Variants in KCNT2 observed in about 807,000 individuals in gnomAD.
KCNT2 encodes the protein potassium channel subfamily T member 2.
In KCNT2, 67 loss-of-function variants were observed where a neutral mutation model predicts 153.8. The observed-to-expected ratio is 0.44, with a 90% CI of 0.36 to 0.53. The LOEUF is 0.53. Ranked by LOEUF, KCNT2 falls within the 20% of genes least tolerant of loss-of-function variation. The pLI is 0.00. For synonymous variants in KCNT2, 500 were observed against 458.8 expected, an observed-to-expected ratio of 1.09 and a Z score of -1.15; for missense variants, 975 against 1,354.8, an observed-to-expected ratio of 0.72 and a Z score of 4.40.
At chr1:196,360,587 T>A (rs1446614394) in intron 14 of KCNT2, among the ~76,000 whole-genome samples, 1 of 152,058 alleles carries the variant, frequency 6.6e-6, no homozygotes, top group East Asian at 1.9e-4. Flanking sequence ...GTGATTAAAT[T>A]GAGACTGTTG....
At chr1:196,556,552 C>T (rs1658693461) in intron 1 of KCNT2, among the ~76,000 whole-genome samples, 1 of 151,296 alleles carries the variant, frequency 6.6e-6, no homozygotes, top group African/African-American at 2.4e-5. Context: ...TTAGCTCAAC[C>T]AGTATAGAAA....
At chr1:196,595,264 T>C (rs373402593) in intron 1 of KCNT2, among the ~76,000 whole-genome samples, 1 of 152,040 alleles carries the variant, frequency 6.6e-6, no homozygotes, top group East Asian at 1.9e-4. Flanking sequence ...AATGAATTAA[T>C]TGATATTAAT....
At chr1:196,539,683 A>G (rs987646668) in intron 1 of KCNT2, among the ~76,000 whole-genome samples, 2 of 152,118 alleles carry the variant, frequency 1.3e-5, no homozygotes, top group African/African-American at 4.8e-5. Context: ...TCAATCTCAT[A>G]AAATGCAATG....
intron 22 of KCNT2, among the ~76,000 whole-genome samples, chr1:196,296,785 G>A (rs1366314012): frequency 6.6e-6 from 1 of 152,008 alleles, no homozygotes; most frequent in African/African-American, 2.4e-5. Flanking sequence ...TCCTATTTCA[G>A]TTCTCTCTGC....
chr1:196,586,474 G>A (rs184119689), intron 1 of KCNT2, among the ~76,000 whole-genome samples: 33 of 152,038 alleles, frequency 2.2e-4, no homozygotes, highest in Admixed American at 1.8e-3. Context: ...CTAGTCAATT[G>A]ATAATCTAGA....
chr1:196,373,530 G>T (rs1477636871), intron 13 of KCNT2, among the ~76,000 whole-genome samples: 1 of 151,766 alleles, frequency 6.6e-6, no homozygotes, highest in Non-Finnish European at 1.5e-5. Context: ...GGCAACTTTT[G>T]GTAAAATGCT....
chr1:196,581,586 C>G (rs146183822), intron 1 of KCNT2, among the ~76,000 whole-genome samples: 8,660 of 151,806 alleles, frequency 0.057, 390 homozygotes, highest in Non-Finnish European at 0.085. Context: ...TCTCAGTGGC[C>G]GACTCACTCT....
rs116052932 is a variant in KCNT2, at chr1:196,349,483, C to T, written c.1404-7255G>A. On this transcript the variant is annotated intron_variant, in intron 14 of 27. Coordinates refer to ENST00000294725, the MANE Select transcript of KCNT2 (RefSeq NM_198503.5). ...CTATGAAGATGGTAACCACATGATG[C>T]CTATCTTATAGAGACATGAAAATGT... is the stretch of plus-strand genomic sequence containing the variant. 4.5e-3 allele frequency among the ~76,000 whole-genome samples: 692 copies of T among 152,100 alleles called. 4 individuals carry two copies. Among genetic ancestry groups the T allele is most frequent in the African/African-American group, 0.015 (626 of 41,500 alleles).
chr1:196,600,364 G>T (rs1664584146), intron 1 of KCNT2, among the ~76,000 whole-genome samples: 1 of 152,224 alleles, frequency 6.6e-6, no homozygotes, highest in Non-Finnish European at 1.5e-5. Flanking sequence ...CTGTAAGCTG[G>T]AGAGATGGAG....
chr1:196,250,732 T>C (rs2102295985), intron 26 of KCNT2, among the ~76,000 whole-genome samples: 1 of 152,062 alleles, frequency 6.6e-6, no homozygotes, highest in Non-Finnish European at 1.5e-5. Flanking sequence ...ATCTGACAAG[T>C]GATTAATAAC....
intron 12 of KCNT2, among the ~76,000 whole-genome samples, chr1:196,411,088 T>C (rs191704319): frequency 9.2e-4 from 61 of 66,086 alleles, no homozygotes; most frequent in South Asian, 2.0e-3. Flanking sequence ...CTTCCTTCCT[T>C]CCTTCCTTCC....
At chr1:196,554,942 T>G (rs1313851254) in intron 1 of KCNT2, among the ~76,000 whole-genome samples, 1 of 151,256 alleles carries the variant, frequency 6.6e-6, no homozygotes, top group Non-Finnish European at 1.5e-5. Flanking sequence ...CAACATACCT[T>G]CATGATAAAA....
intron 16 of KCNT2, among the ~76,000 whole-genome samples, chr1:196,339,532 G>C (rs937375838): frequency 6.6e-6 from 1 of 151,486 alleles, no homozygotes; most frequent in Non-Finnish European, 1.5e-5. Flanking sequence ...GAGAGAGAGA[G>C]AGAGAGAGAG....
intron 8 of KCNT2, among the ~76,000 whole-genome samples, chr1:196,450,867 C>T (rs572869078): frequency 6.6e-6 from 1 of 151,986 alleles, no homozygotes; most frequent in Admixed American, 6.6e-5. Flanking sequence ...TGCACTGACT[C>T]CTCCTCTGCC....
intron 1 of KCNT2, among the ~76,000 whole-genome samples, chr1:196,596,418 C>T (rs1253901053): frequency 6.6e-6 from 1 of 152,054 alleles, no homozygotes; most frequent in African/African-American, 2.4e-5. Context: ...ATAATCATGG[C>T]CATTCTTGTG....
intron 1 of KCNT2, among the ~76,000 whole-genome samples, chr1:196,599,252 A>G (rs1355628134): frequency 6.6e-6 from 1 of 152,254 alleles, no homozygotes; most frequent in African/African-American, 2.4e-5. Flanking sequence ...TATGTGGACA[A>G]TCTACAAGTT....
chr1:196,512,218 G>T (rs1681691612), intron 1 of KCNT2, among the ~76,000 whole-genome samples: 2 of 151,958 alleles, frequency 1.3e-5, no homozygotes, highest in African/African-American at 4.8e-5. Context: ...CTACCTTCCA[G>T]GGTACTCCTT....
chr1:196,250,547 C>A (rs1655869954), intron 26 of KCNT2, among the ~76,000 whole-genome samples: 1 of 152,106 alleles, frequency 6.6e-6, no homozygotes, highest in African/African-American at 2.4e-5. Flanking sequence ...TGGGAAAACT[C>A]TTCAGGACAT....
chr1:196,459,508 C>A (rs868326056), intron 8 of KCNT2, among the ~76,000 whole-genome samples: 8 of 151,748 alleles, frequency 5.3e-5, no homozygotes, highest in South Asian at 2.1e-4. Flanking sequence ...GAGTATTTAA[C>A]CAGTTTGTTT....
Sources: allele counts gnomAD v4.1 joint callset (sites outside exome capture counted in the v4.1 genomes callset), GRCh38; gene constraint gnomAD v4.1.1; transcripts MANE v1.5; gene names NCBI Gene and HGNC (gene_info 2026-07-23, HGNC 2026-07-21).